Variants in FGF14 observed in about 807,000 individuals in gnomAD.
FGF14 encodes the protein fibroblast growth factor 14.
FGF14 carries 5 observed loss-of-function variants against 25.5 expected under a neutral mutation model. That is an observed-to-expected ratio of 0.20 (90% CI 0.10 to 0.41). The LOEUF is 0.41. Ranked by LOEUF, FGF14 falls within the 10% of genes least tolerant of loss-of-function variation. The probability of loss-of-function intolerance (pLI) is 1.00; values close to 1 mark genes in which losing one functional copy is unlikely to be tolerated. For synonymous variants in FGF14, 138 were observed against 118.3 expected (o/e 1.17, Z -1.08); for missense variants, 222 against 320.1 (o/e 0.69, Z 2.34).
At chr13:101,986,083 A>T (rs1481995369) in intron 1 of FGF14, among the ~76,000 whole-genome samples, 3 of 152,184 alleles carry the variant, frequency 2.0e-5, no homozygotes, top group Non-Finnish European at 4.4e-5. Flanking sequence ...TCAATTTGAT[A>T]CTTAAGGATG....
intron 1 of FGF14, among the ~76,000 whole-genome samples, chr13:102,327,389 C>T (rs996622184): frequency 6.6e-6 from 1 of 152,190 alleles, no homozygotes; most frequent in Admixed American, 6.5e-5. Context: ...AAGCTTACAC[C>T]AATATACAAT....
chr13:102,216,810 TC>T (rs1030561282), intron 1 of FGF14, among the ~76,000 whole-genome samples: 2 of 152,024 alleles, frequency 1.3e-5, no homozygotes, highest in Non-Finnish European at 2.9e-5. Flanking sequence ...ATCCTCTTCC[TC>T]CCCTGACCCT....
chr13:102,219,539 C>T (rs1467869477), intron 1 of FGF14, among the ~76,000 whole-genome samples: 4 of 152,158 alleles, frequency 2.6e-5, no homozygotes, highest in Non-Finnish European at 4.4e-5. Flanking sequence ...ATACTTCCAA[C>T]CATGAAAGAA....
At chr13:102,068,788 T>TC (rs1171358516) in intron 1 of FGF14, among the ~76,000 whole-genome samples, 1 of 152,080 alleles carries the variant, frequency 6.6e-6, no homozygotes, top group East Asian at 1.9e-4. Context: ...GGCCCGAGCC[T>TC]CCCCGACGAG....
rs543271802 is a variant in FGF14 at position 101,951,809 on chromosome 13, T to C, written c.209-76513A>G. Among the ~76,000 whole-genome samples the C allele has an allele frequency of 5.9e-5, 9 of 152,326 alleles. No homozygotes were observed. The East Asian group carries it at 1.5e-3, about 26-fold the overall frequency. On this transcript the variant is annotated intron_variant, in intron 1 of 4. Transcript: ENST00000376131. ...CAGCAGCATCATCATTTATCATTCT[T>C]ATGGTTAATAATAACATTAATAAAC...
chr13:101,806,254 T>C lies in FGF14; in HGVS notation c.408+62471A>G, dbSNP rs947257377. Among the ~76,000 whole-genome samples, 6 of 151,906 alleles carry C rather than the reference T, an allele frequency of 3.9e-5. No homozygotes were observed. In the South Asian group the frequency reaches 1.2e-3, roughly 32 times the overall value. On this transcript the variant is annotated intron_variant, in intron 3 of 4. Coordinates refer to ENST00000376143, the MANE Select transcript of FGF14 (RefSeq NM_004115.4). ...GGCCAACGTGATGAAACCCAGTCTC[T>C]ACTAAAAATACAAAATTAACAAGGC...
chr13:101,857,005 G>A (rs1244252399), intron 3 of FGF14, among the ~76,000 whole-genome samples: 2 of 151,920 alleles, frequency 1.3e-5, no homozygotes, highest in African/African-American at 2.4e-5. Flanking sequence ...TTACATTAAC[G>A]GGGAGTCATT....
intron 1 of FGF14, among the ~76,000 whole-genome samples, chr13:102,051,347 C>T (rs951937099): frequency 2.6e-5 from 4 of 152,132 alleles, no homozygotes; most frequent in African/African-American, 9.7e-5. Flanking sequence ...AGTGCCTGTA[C>T]CCTGAGTATC....
intron 1 of FGF14, among the ~76,000 whole-genome samples, chr13:102,354,928 CT>C (rs2139001922): frequency 6.6e-6 from 1 of 152,234 alleles, no homozygotes; most frequent in South Asian, 2.1e-4. Context: ...TAAAAACTTC[CT>C]TGACCTCCCC....
At chr13:102,203,384 C>G (rs2049758782) in intron 1 of FGF14, among the ~76,000 whole-genome samples, 1 of 152,044 alleles carries the variant, frequency 6.6e-6, no homozygotes, top group Admixed American at 6.5e-5. Flanking sequence ...CTGAATAACC[C>G]TAGAAAGATA....
At chr13:101,859,101 A>G (rs1021497733) in intron 3 of FGF14, among the ~76,000 whole-genome samples, 2 of 152,118 alleles carry the variant, frequency 1.3e-5, no homozygotes, top group Non-Finnish European at 2.9e-5. Context: ...TTCTTTGCTG[A>G]CACTGAATTT....
At chr13:102,186,948 A>C (rs2048901476) in intron 1 of FGF14, among the ~76,000 whole-genome samples, 1 of 152,190 alleles carries the variant, frequency 6.6e-6, no homozygotes, top group Non-Finnish European at 1.5e-5. Context: ...ACACAGACAC[A>C]CATCAGAGTT....
intron 1 of FGF14, among the ~76,000 whole-genome samples, chr13:102,133,328 A>G (rs1483912890): frequency 6.6e-6 from 1 of 152,232 alleles, no homozygotes; most frequent in Non-Finnish European, 1.5e-5. Context: ...TAAAAGGTGT[A>G]TATGAATGGC....
chr13:102,032,715 G>A (rs2041270562), intron 1 of FGF14, among the ~76,000 whole-genome samples: 1 of 152,076 alleles, frequency 6.6e-6, no homozygotes, highest in Non-Finnish European at 1.5e-5. Context: ...CTGGCTTTTT[G>A]CTCCTCTTCA....
intron 1 of FGF14, among the ~76,000 whole-genome samples, chr13:102,108,333 TC>T (rs1476738534): frequency 6.6e-6 from 1 of 152,206 alleles, no homozygotes; most frequent in Admixed American, 6.5e-5. Context: ...TCAGTGATTT[TC>T]CCCAGAAGAC....
intron 1 of FGF14, among the ~76,000 whole-genome samples, chr13:102,075,931 G>C (rs1353720848): frequency 6.6e-6 from 1 of 152,006 alleles, no homozygotes; most frequent in African/African-American, 2.4e-5. Flanking sequence ...AAACCTTACA[G>C]AATAAGAATA....
At chr13:101,785,670 T>C (rs2039778122) in intron 3 of FGF14, among the ~76,000 whole-genome samples, 1 of 152,182 alleles carries the variant, frequency 6.6e-6, no homozygotes, top group Non-Finnish European at 1.5e-5. Flanking sequence ...TTATATATTG[T>C]AACCGTATTC....
At chr13:101,729,185 T>C (rs1307549433) in intron 3 of FGF14, among the ~76,000 whole-genome samples, 1 of 152,174 alleles carries the variant, frequency 6.6e-6, no homozygotes, top group East Asian at 1.9e-4. Context: ...TTGCCTTCAG[T>C]TGCTTGTGAT....
upstream of FGF14, among the ~76,000 whole-genome samples, chr13:101,921,067 AT>A (rs758252433): frequency 5.2e-3 from 584 of 112,134 alleles, 3 homozygotes; most frequent in East Asian, 0.036. Flanking sequence ...CCTCTTGATG[AT>A]TAAAAAAAAA....
Sources: allele counts gnomAD v4.1 joint callset (sites outside exome capture counted in the v4.1 genomes callset), GRCh38; gene constraint gnomAD v4.1.1; transcripts MANE v1.5; gene names NCBI Gene and HGNC (gene_info 2026-07-23, HGNC 2026-07-21).